Variants in ASPH observed in about 807,000 individuals in gnomAD.
ASPH encodes aspartate beta-hydroxylase.
ASPH carries 100 observed loss-of-function variants against 118.4 expected under a neutral mutation model. The observed-to-expected ratio is 0.84, with a 90% CI of 0.72 to 1.00. ASPH has a LOEUF of 1.00. ASPH is among the 50% of genes least tolerant of loss of function. The pLI is 0.00. For missense variants in ASPH, 920 were observed against 919.5 expected, an observed-to-expected ratio of 1.00 and a Z score of -0.01; for synonymous variants, 315 against 325.6, an observed-to-expected ratio of 0.97 and a Z score of 0.35.
In ASPH at chr8:61,608,491, T is replaced by C. The variant is rs1032792720; in HGVS notation, c.976+10487A>G. ...GTGGCTCATATGGTTATCTTTAAAA[T>C]AGCTGTTTAATAAACTTAAAATTTT... is the stretch of plus-strand genomic sequence containing the variant. On this transcript the variant is annotated intron_variant, in intron 14 of 24. Coordinates refer to ENST00000379454, the MANE Select transcript of ASPH (RefSeq NM_004318.4). Among the ~76,000 whole-genome samples, 19 of 152,234 alleles carry C rather than the reference T, an allele frequency of 1.2e-4. 1 individual carries two copies. The highest frequency in any genetic ancestry group is 7.9e-4 in the Admixed American group (12 of 15,284).
chr8:61,689,672 C>G (rs747466354), intron 1 of ASPH: 1 of 1,589,258 alleles, frequency 6.3e-7, no homozygotes, highest in African/African-American at 1.3e-5. Context: ...CAAAAATATA[C>G]CTTTATCTTC....
intron 21 of ASPH, among the ~76,000 whole-genome samples, chr8:61,544,193 C>T (rs982439192): frequency 6.6e-6 from 1 of 152,168 alleles, no homozygotes; most frequent in East Asian, 1.9e-4. Flanking sequence ...TTAAAATTAC[C>T]ACCCCACAAA....
chr8:61,666,615 C>A (rs1405023167), intron 3 of ASPH, among the ~76,000 whole-genome samples: 1 of 152,318 alleles, frequency 6.6e-6, no homozygotes, highest in East Asian at 1.9e-4. Context: ...GCAGTGCTCA[C>A]TAAAAGCACT....
In ASPH at chr8:61,684,161, C is replaced by A; in HGVS notation, c.131G>T (p.Gly44Val). 1 of 1,613,216 alleles carries A rather than the reference C, an allele frequency of 6.2e-7. No individual in the cohort carries two copies. ...AGTTCCTGAGAGTCCGCCTTTCCTCCCATTCTTGTGTCCTCCATGCTTTGT... is the reference window on the plus strand; with the variant it reads ...AGTTCCTGAGAGTCCGCCTTTCCTCACATTCTTGTGTCCTCCATGCTTTGT... ...RETKHGGHKNGRKGGLSGTSF... is the reference protein window; with the variant it reads ...RETKHGGHKNVRKGGLSGTSF... The change falls in exon 2 of 25, where the codon GGG becomes GTG. Residue 44 changes from glycine to valine, a missense_variant. By Grantham distance (109) the Gly-to-Val change is moderately radical. Transcript: ENST00000379454.
intron 24 of ASPH, among the ~76,000 whole-genome samples, chr8:61,507,852 C>A (rs917796887): frequency 3.3e-5 from 5 of 152,188 alleles, no homozygotes; most frequent in Non-Finnish European, 5.9e-5. Flanking sequence ...AAACAATCTT[C>A]AGAGCGGCCT....
intron 3 of ASPH, among the ~76,000 whole-genome samples, chr8:61,677,305 T>C (rs1453365799): frequency 6.6e-6 from 1 of 152,132 alleles, no homozygotes; most frequent in Non-Finnish European, 1.5e-5. Flanking sequence ...TTAGCTCTAG[T>C]AGGTATCAGA....
chr8:61,509,060 T>C (rs567954317), intron 24 of ASPH, among the ~76,000 whole-genome samples: 1 of 152,216 alleles, frequency 6.6e-6, no homozygotes, highest in Non-Finnish European at 1.5e-5. Flanking sequence ...GCCTTCCTCC[T>C]CTTAGTTCCA....
rs900552994 is a variant in ASPH, at chr8:61,625,153, G to T, written c.935-6134C>A. On this transcript the variant is annotated intron_variant, in intron 13 of 24. Transcript: ENST00000379454. ...CTCATGGTCCTTTCAAAATGATGTG[G>T]TAGCTACCTTCTTTTCTGACAAAGG... is the stretch of plus-strand genomic sequence containing the variant. The T allele has an allele frequency of 4.1e-6, 4 of 985,540 alleles. No individual in the cohort carries two copies. The South Asian group carries it at 1.9e-4, about 46-fold the overall frequency. 61.0% of individuals were successfully genotyped at this position (985,540 alleles called of 1,614,324 possible).
At chr8:61,692,717 G>C (rs1301745361) in intron 1 of ASPH, among the ~76,000 whole-genome samples, 7 of 152,050 alleles carry the variant, frequency 4.6e-5, no homozygotes. Flanking sequence ...GTCAAACAGG[G>C]CTTGTTAAGA....
At chr8:61,625,065 C>T in intron 13 of ASPH, 1 of 985,728 alleles carries the variant, frequency 1.0e-6, no homozygotes, top group Non-Finnish European at 1.2e-6. Context: ...TTAATGTTAA[C>T]AAAATCAAGA....
intron 3 of ASPH, among the ~76,000 whole-genome samples, chr8:61,666,041 C>T (rs1042143665): frequency 6.6e-6 from 1 of 151,904 alleles, no homozygotes; most frequent in Non-Finnish European, 1.5e-5. Context: ...AACATATGTC[C>T]TTAAAATACA....
intron 22 of ASPH, among the ~76,000 whole-genome samples, chr8:61,520,931 A>G (rs1317387385): frequency 6.6e-6 from 1 of 152,212 alleles, no homozygotes; most frequent in East Asian, 1.9e-4. Flanking sequence ...GAACACCTCT[A>G]GCTCTTTAGA....
rs180976677 is a variant in ASPH, at chr8:61,521,339, A to G, written c.1901-3216T>C. On this transcript the variant is annotated intron_variant, in intron 22 of 24. Coordinates refer to ENST00000379454, the MANE Select transcript of ASPH (RefSeq NM_004318.4). ...TGTTAGACCATAAAAATATAATATTACTATCATATATTGGATAACTGTGCC... is the reference window on the plus strand; with the variant it reads ...TGTTAGACCATAAAAATATAATATTGCTATCATATATTGGATAACTGTGCC... 2.2e-3 allele frequency among the ~76,000 whole-genome samples: 336 copies of G among 152,294 alleles called. 1 individual carries two copies. Among genetic ancestry groups the G allele is most frequent in the African/African-American group, 7.9e-3 (327 of 41,558 alleles).
chr8:61,641,627 G>A (rs1805172680), intron 10 of ASPH, among the ~76,000 whole-genome samples: 1 of 152,086 alleles, frequency 6.6e-6, no homozygotes, highest in African/African-American at 2.4e-5. Context: ...CACTATAGAT[G>A]ATGAACTTGG....
At chr8:61,565,234 T>G (rs140480449) in intron 17 of ASPH, among the ~76,000 whole-genome samples, 1 of 151,428 alleles carries the variant, frequency 6.6e-6, no homozygotes, top group Non-Finnish European at 1.5e-5. Flanking sequence ...TTACTTCATG[T>G]TTTTTTTTCT....
intron 9 of ASPH, 24 bp downstream of exon 9, chr8:61,643,362 C>G (rs1347280381): frequency 6.3e-7 from 1 of 1,592,058 alleles, no homozygotes; most frequent in Non-Finnish European, 8.5e-7. Context: ...TATTTTAAAT[C>G]TAATGAAAAT....
chr8:61,674,470 G>A (rs1274792942), intron 3 of ASPH, among the ~76,000 whole-genome samples: 1 of 152,122 alleles, frequency 6.6e-6, no homozygotes. Context: ...CATTAGTGCA[G>A]GCAAGACAAA....
intron 14 of ASPH, among the ~76,000 whole-genome samples, chr8:61,593,319 A>T (rs1841700816): frequency 6.6e-6 from 1 of 152,196 alleles, no homozygotes; most frequent in Non-Finnish European, 1.5e-5. Context: ...TATTACCAGA[A>T]GAAGAAGTAA....
At chr8:61,615,137 C>T (rs1310326894) in intron 14 of ASPH, among the ~76,000 whole-genome samples, 1 of 152,180 alleles carries the variant, frequency 6.6e-6, no homozygotes, top group Non-Finnish European at 1.5e-5. Flanking sequence ...CCACTCTGGT[C>T]TCATGCACTC....
Sources: gnomAD v4.1 joint callset for allele counts (sites outside exome capture counted in the v4.1 genomes callset) on GRCh38, gnomAD v4.1.1 for gene constraint, MANE v1.5 for transcripts, NCBI Gene and HGNC (gene_info 2026-07-23, HGNC 2026-07-21) for gene names.